The following PAFAH1B2 variants were observed in gnomAD, a reference collection of about 807,000 sequenced individuals.
PAFAH1B2 encodes the protein platelet activating factor acetylhydrolase 1b catalytic subunit 2.
Under a neutral mutation model 28.0 loss-of-function variants are expected in PAFAH1B2, and 8 were observed. The observed-to-expected ratio is 0.29, with a 90% CI of 0.17 to 0.52. The LOEUF is 0.52. Among genes scored for constraint, PAFAH1B2 ranks in the 20% least tolerant of loss-of-function variants. The pLI is 0.97. For missense variants in PAFAH1B2, 190 were observed against 282.6 expected (o/e 0.67, Z 2.35); for synonymous variants, 104 against 103.2 (o/e 1.01, Z -0.05).
downstream of PAFAH1B2, among the ~76,000 whole-genome samples, chr11:117,177,069 G>A (rs572376266): frequency 8.5e-4 from 129 of 151,708 alleles, no homozygotes; most frequent in Non-Finnish European, 1.0e-3. Context: ...TTAGCTGGGC[G>A]TGGTGGCACA....
At chr11:117,157,681 A>G (rs757265270) in intron 2 of PAFAH1B2, among the ~76,000 whole-genome samples, 30 of 152,168 alleles carry the variant, frequency 2.0e-4, no homozygotes, top group Non-Finnish European at 3.5e-4. Flanking sequence ...AGTCCTAGCT[A>G]GTTGGGAGGC....
chr11:117,152,588 T>C (rs1956176438), intron 2 of PAFAH1B2, 60 bp downstream of exon 2: 6 of 1,263,280 alleles, frequency 4.7e-6, no homozygotes, highest in East Asian at 2.3e-5. Flanking sequence ...TTTGTCTGTT[T>C]TGTTTTAGTT....
At position 117,167,730 on chromosome 11, in the gene PAFAH1B2, G is replaced by T. The variant is rs750494576; in HGVS notation, c.*31G>T. 1 of 1,487,550 alleles carries T rather than the reference G, an allele frequency of 6.7e-7. No homozygotes were observed. The highest frequency in any genetic ancestry group is 1.5e-5 in the South Asian group (1 of 66,032). 92.1% of individuals were successfully genotyped at this position (1,487,550 alleles called of 1,614,324 possible). A position where few individuals can be genotyped will look rare whatever the true frequency, so the allele number is the denominator to read the frequency against. On this transcript the variant is annotated 3_prime_UTR_variant, in exon 6 of 6. Transcript: ENST00000527958. ...TCTTATCAGTGTTAATAGCATCTCA[G>T]CTTCCTCAGATCAGTTCTATCACTG... is the stretch of plus-strand genomic sequence containing the variant.
At chr11:117,150,043 TTAAC>T (rs908696930) in intron 1 of PAFAH1B2, among the ~76,000 whole-genome samples, 5 of 152,204 alleles carry the variant, frequency 3.3e-5, no homozygotes, top group Admixed American at 6.5e-5. Flanking sequence ...AAAATTTTTA[TTAAC>T]TAACATGTAA....
In PAFAH1B2 at chr11:117,170,190, G is replaced by A. The variant is rs1325335478; in HGVS notation, c.*2491G>A. On this transcript the variant is annotated 3_prime_UTR_variant, in exon 6 of 6. Coordinates refer to ENST00000527958, the MANE Select transcript of PAFAH1B2 (RefSeq NM_002572.4). ...CGTCAGTGACAGAACTTACTGCTTA[G>A]TCTTTGTACTTTTTAAAAAATCTAT... 3.8e-6 allele frequency: 4 copies of A among 1,056,752 alleles called. No homozygotes were observed. Among genetic ancestry groups the A allele is most frequent in the Middle Eastern group, 4.2e-4 (1 of 2,386 alleles). 65.5% of individuals were successfully genotyped at this position (1,056,752 alleles called of 1,614,324 possible).
intron 1 of PAFAH1B2, 132 bp from the exon 2 acceptor site, chr11:117,152,309 T>C (rs1035744416): frequency 3.2e-6 from 2 of 620,218 alleles, no homozygotes; most frequent in Non-Finnish European, 5.8e-6. Context: ...TGTTTCTGTT[T>C]AGTTTCCCAA....
chr11:117,144,617 C>A (rs952560497), intron 1 of PAFAH1B2, among the ~76,000 whole-genome samples, 199 bp downstream of exon 1: 4 of 152,106 alleles, frequency 2.6e-5, no homozygotes, highest in African/African-American at 9.7e-5. Flanking sequence ...TCCCAGCAGC[C>A]GGCGCAGCTA....
downstream of PAFAH1B2, chr11:117,171,062 T>A (rs1005945434): frequency 1.4e-5 from 14 of 1,025,860 alleles, no homozygotes; most frequent in Admixed American, 1.2e-4. Context: ...GGTGTCTTTC[T>A]GTCTCCTTTA....
chr11:117,152,325 T>G, intron 1 of PAFAH1B2, 116 bp from the exon 2 acceptor site: 1 of 646,520 alleles, frequency 1.5e-6, no homozygotes, highest in Non-Finnish European at 2.7e-6. Context: ...CCCAATTGTT[T>G]CTAGGCAAAC....
chr11:117,145,287 C>G (rs770917558), intron 1 of PAFAH1B2, among the ~76,000 whole-genome samples: 9 of 152,110 alleles, frequency 5.9e-5, no homozygotes, highest in Non-Finnish European at 1.3e-4. Context: ...TTTCATAGCT[C>G]GCAGGCCAGC....
rs773980384 is a variant in PAFAH1B2, at chr11:117,167,694, G to T, written c.685G>T (p.Ala229Ser). 6.5e-6 allele frequency: 10 copies of T among 1,544,546 alleles called. No homozygotes were observed. Residue 229 changes from alanine to serine, a missense_variant, in exon 6 of 6, where the codon GCC (alanine) becomes TCC (serine). Physicochemically the swap from Ala to Ser is moderately conservative, Grantham distance 99. Transcript: ENST00000527958. ...ACCTGAGGAGAAACAAACCACCATT[G>T]CCTGACTGGCTCTTATCAGTGTTAA... The part of the protein sequence containing the change: ...ETPEEKQTTI[A>S]
At chr11:117,171,126 A>G, downstream of PAFAH1B2, 1 of 922,942 alleles carries the variant, frequency 1.1e-6, no homozygotes, top group Non-Finnish European at 1.3e-6. Flanking sequence ...GCCTTATCAT[A>G]AGGAAATTGG....
At chr11:117,155,473 C>T (rs60653858) in intron 2 of PAFAH1B2, among the ~76,000 whole-genome samples, 2,821 of 152,124 alleles carry the variant, frequency 0.019, 101 homozygotes, top group African/African-American at 0.064. Context: ...GGAAGTGTAA[C>T]TTTGTTTCCA....
downstream of PAFAH1B2, among the ~76,000 whole-genome samples, chr11:117,173,329 T>A (rs930211957): frequency 2.6e-5 from 4 of 152,200 alleles, no homozygotes; most frequent in African/African-American, 9.7e-5. Flanking sequence ...CTTATCTCGT[T>A]TGTCTCTCTT....
intron 1 of PAFAH1B2, among the ~76,000 whole-genome samples, chr11:117,150,946 C>G (rs1437011094): frequency 6.6e-6 from 1 of 150,514 alleles, no homozygotes; most frequent in Admixed American, 6.6e-5. Flanking sequence ...CGAGATTGCG[C>G]CACTGCACTC....
chr11:117,153,148 G>T (rs1300151430), intron 2 of PAFAH1B2, among the ~76,000 whole-genome samples: 1 of 152,192 alleles, frequency 6.6e-6, no homozygotes, highest in African/African-American at 2.4e-5. Flanking sequence ...TAGTCAACAA[G>T]AATTTGTTAC....
At chr11:117,165,866 G>A (rs572938387) in intron 5 of PAFAH1B2, among the ~76,000 whole-genome samples, 91 of 149,644 alleles carry the variant, frequency 6.1e-4, no homozygotes, top group African/African-American at 2.1e-3. Context: ...TTGAGATGGA[G>A]TCTCGCTCTA....
chr11:117,153,280 A>AT (rs1474213151), intron 2 of PAFAH1B2, among the ~76,000 whole-genome samples: 3 of 152,212 alleles, frequency 2.0e-5, no homozygotes, highest in African/African-American at 7.2e-5. Flanking sequence ...TGTTACAGAA[A>AT]TTTAGAAAGA....
At chr11:117,148,377 A>T (rs1047795034) in intron 1 of PAFAH1B2, among the ~76,000 whole-genome samples, 4 of 152,016 alleles carry the variant, frequency 2.6e-5, no homozygotes, top group Admixed American at 1.3e-4. Flanking sequence ...TTCTAATCAG[A>T]ACATAATATC....
Sources: allele counts gnomAD v4.1 joint callset (sites outside exome capture counted in the v4.1 genomes callset), GRCh38; gene constraint gnomAD v4.1.1; transcripts MANE v1.5; gene names NCBI Gene and HGNC (gene_info 2026-07-23, HGNC 2026-07-21).